PSMA8: variants seen among roughly 807,000 people sequenced by gnomAD.
PSMA8 encodes proteasome 20S subunit alpha 8.
In PSMA8, 18 loss-of-function variants were observed where a neutral mutation model predicts 32.4. The ratio of observed to expected loss-of-function variants is 0.56; its 90% CI spans 0.38 to 0.82. PSMA8 has a LOEUF of 0.82. Among genes scored for constraint, PSMA8 ranks in the 40% least tolerant of loss-of-function variants. The pLI is 0.00. For synonymous variants in PSMA8, 104 were observed against 98.1 expected (o/e 1.06, Z -0.36); for missense variants, 298 against 300.7 (o/e 0.99, Z 0.07).
intron 4 of PSMA8, among the ~76,000 whole-genome samples, chr18:26,165,220 T>C (rs974779856): frequency 6.6e-6 from 1 of 152,172 alleles, no homozygotes; most frequent in Non-Finnish European, 1.5e-5. Context: ...AGAACAACTT[T>C]GTTTTAAAGA....
chr18:26,183,788 C>A (rs1401009168), intron 6 of PSMA8, among the ~76,000 whole-genome samples: 2 of 150,722 alleles, frequency 1.3e-5, no homozygotes, highest in Non-Finnish European at 3.0e-5. Flanking sequence ...AAAATGCTAT[C>A]AAACAGCATC....
Position 26,167,202 on chromosome 18 carries a change from G to A in PSMA8, c.477+8958G>A, listed in dbSNP as rs115737803. ...TTTGCAATTAACTACCACCTGTTGA[G>A]TGGAATAGCCACACTTTTCTGAGAA... is the stretch of plus-strand genomic sequence containing the variant. On this transcript the variant is annotated intron_variant, in intron 4 of 6. Coordinates refer to ENST00000415576, the MANE Select transcript of PSMA8 (RefSeq NM_001025096.2). Among the ~76,000 whole-genome samples, 624 of 152,262 alleles carry A rather than the reference G, an allele frequency of 4.1e-3. 3 individuals carry two copies. The highest frequency in any genetic ancestry group is 0.014 in the African/African-American group (590 of 41,546).
chr18:26,161,094 G>A (rs8087585), intron 4 of PSMA8, among the ~76,000 whole-genome samples: 3,453 of 152,260 alleles, frequency 0.023, 119 homozygotes, highest in African/African-American at 0.079. Context: ...AACATGAGGA[G>A]TCCAAAATGG....
At chr18:26,171,149 A>G in intron 4 of PSMA8, 2 of 1,559,186 alleles carry the variant, frequency 1.3e-6, no homozygotes, top group South Asian at 2.2e-5. Flanking sequence ...GATTCTGTTT[A>G]CCTTCTACTG....
At chr18:26,171,487 A>G (rs760732713) in intron 4 of PSMA8, among the ~76,000 whole-genome samples, 45 of 152,340 alleles carry the variant, frequency 3.0e-4, no homozygotes, top group Non-Finnish European at 2.4e-4. Context: ...TAATCCCAGC[A>G]CTTTGGGAGG....
chr18:26,167,453 T>C (rs2055189325), intron 4 of PSMA8, among the ~76,000 whole-genome samples: 3 of 152,230 alleles, frequency 2.0e-5, no homozygotes, highest in Non-Finnish European at 4.4e-5. Flanking sequence ...AAAATATAAT[T>C]ATTTCATAAA....
At position 26,156,703 on chromosome 18, in the gene PSMA8, A is replaced by C. The variant is rs530825803; in HGVS notation, c.355-1419A>C. On this transcript the variant is annotated intron_variant, in intron 3 of 6. Coordinates refer to ENST00000415576, the MANE Select transcript of PSMA8 (RefSeq NM_001025096.2). The stretch of plus-strand genomic sequence containing the variant: ...GTATATTTTATATATATTATATATA[A>C]AATATATATACAATATATATACAGT... Among the ~76,000 whole-genome samples, 8 of 148,132 alleles carry C rather than the reference A, an allele frequency of 5.4e-5. No individual in the cohort carries two copies. In the South Asian group the frequency reaches 1.7e-3, roughly 31 times the overall value.
intron 4 of PSMA8, among the ~76,000 whole-genome samples, chr18:26,177,667 T>A (rs1357223284): frequency 1.3e-5 from 2 of 152,212 alleles, no homozygotes; most frequent in Non-Finnish European, 1.5e-5. Flanking sequence ...GATGAAAATG[T>A]GTAAAGAACA....
Position 26,184,634 on chromosome 18 carries a change from C to T in PSMA8, c.660+5504C>T, listed in dbSNP as rs184510720. Among the ~76,000 whole-genome samples the T allele has an allele frequency of 2.7e-5, 4 of 149,066 alleles. No homozygotes were observed. In the East Asian group the frequency reaches 8.1e-4, roughly 30 times the overall value. ...CTAAAAATATAAAAAATTAGCCGGGCATGGTGGCATGTGCCTGTAATCCCA... is the reference window on the plus strand; with the variant it reads ...CTAAAAATATAAAAAATTAGCCGGGTATGGTGGCATGTGCCTGTAATCCCA... On this transcript the variant is annotated intron_variant, in intron 6 of 6. Transcript: ENST00000415576.
At chr18:26,173,177 A>C (rs1160773491) in intron 4 of PSMA8, among the ~76,000 whole-genome samples, 1 of 151,972 alleles carries the variant, frequency 6.6e-6, no homozygotes, top group Non-Finnish European at 1.5e-5. Context: ...TCTGGCCCCC[A>C]CCTCAACTCT....
In PSMA8 at chr18:26,165,390, A is replaced by G. The variant is rs1045810695; in HGVS notation, c.477+7146A>G. Reference sequence around the variant, plus strand: ...ATGTTAATAGTTCATGAATCCAAGCAAAGAGTGCGGTGTTAGTTGTTCGTT... The same window carrying G: ...ATGTTAATAGTTCATGAATCCAAGCGAAGAGTGCGGTGTTAGTTGTTCGTT... On this transcript the variant is annotated intron_variant, in intron 4 of 6. Transcript: ENST00000415576. 6.1e-4 allele frequency among the ~76,000 whole-genome samples: 93 copies of G among 152,378 alleles called. 2 individuals are homozygous for G. The highest frequency in any genetic ancestry group is 1.6e-4 in the Non-Finnish European group (11 of 68,034).
At chr18:26,187,952 A>G (rs1327343583) in intron 6 of PSMA8, among the ~76,000 whole-genome samples, 3 of 152,254 alleles carry the variant, frequency 2.0e-5, no homozygotes, top group African/African-American at 7.2e-5. Flanking sequence ...AGATATTTAC[A>G]GAACATTTCA....
Position 26,149,002 on chromosome 18 carries a change from A to AT in PSMA8, c.230-2848dup, listed in dbSNP as rs566490497. ...CAGGTGTGTGCCACTGCACCTGGCA[A>AT]TTTTTTTTAATTTTTATTTTTGTAG... On this transcript the variant is annotated intron_variant, in intron 2 of 6. Transcript: ENST00000415576. Among the ~76,000 whole-genome samples, 232 of 151,818 alleles carry AT rather than the reference A, an allele frequency of 1.5e-3. 1 individual carries two copies. Among genetic ancestry groups the AT allele is most frequent in the African/African-American group, 5.5e-3 (226 of 41,396 alleles).
intron 1 of PSMA8, chr18:26,140,249 CCACAGGTGCCAGCCTTG>C (rs1163252696): frequency 6.1e-6 from 4 of 654,640 alleles, no homozygotes; most frequent in Admixed American, 4.6e-5. Flanking sequence ...TGGCTTGGCA[CCACAGGTGCCAGCCTTG>C]TACCAGGGCT....
At chr18:26,142,866 T>C (rs938672377) in intron 1 of PSMA8, among the ~76,000 whole-genome samples, 1 of 152,154 alleles carries the variant, frequency 6.6e-6, no homozygotes, top group African/African-American at 2.4e-5. Flanking sequence ...CCCTACCTCC[T>C]GATAGTATCA....
intron 4 of PSMA8, among the ~76,000 whole-genome samples, chr18:26,166,707 C>A (rs573844760): frequency 7.2e-5 from 11 of 152,216 alleles, no homozygotes; most frequent in Admixed American, 5.9e-4. Context: ...CAATAAATAA[C>A]CATGGTTATT....
Position 26,158,651 on chromosome 18 carries a change from G to A in PSMA8, c.477+407G>A, listed in dbSNP as rs187121560. Among the ~76,000 whole-genome samples the A allele has an allele frequency of 4.6e-5, 7 of 152,260 alleles. No homozygotes were observed. In the East Asian group the frequency reaches 1.2e-3, roughly 25 times the overall value. ...CATCTTCTCCATTCTAGGAGAGTCA[G>A]AGCACCCTAAACTATGAATCTATAC... On this transcript the variant is annotated intron_variant, in intron 4 of 6. Transcript: ENST00000415576.
chr18:26,190,344 T>C (rs946835800), intron 6 of PSMA8, among the ~76,000 whole-genome samples: 3 of 152,236 alleles, frequency 2.0e-5, no homozygotes, highest in Admixed American at 6.5e-5. Context: ...GGATACCCCA[T>C]TCTCCATGAT....
At chr18:26,146,426 T>G (rs1280044294) in intron 2 of PSMA8, among the ~76,000 whole-genome samples, 1 of 152,144 alleles carries the variant, frequency 6.6e-6, no homozygotes, top group Non-Finnish European at 1.5e-5. Context: ...GTGCTGTCTT[T>G]AAGAAGGAAT....
Sources: gnomAD v4.1 joint callset for allele counts (sites outside exome capture counted in the v4.1 genomes callset) on GRCh38, gnomAD v4.1.1 for gene constraint, MANE v1.5 for transcripts, NCBI Gene and HGNC (gene_info 2026-07-23, HGNC 2026-07-21) for gene names.